ADCK1: variants seen among roughly 807,000 people sequenced by gnomAD.
ADCK1 encodes aarF domain-containing protein kinase 1.
ADCK1 carries 41 observed loss-of-function variants against 52.3 expected under a neutral mutation model. The observed-to-expected ratio is 0.78, with a 90% CI of 0.61 to 1.02. The LOEUF is 1.02. Ranked by LOEUF, ADCK1 falls within the 50% of genes least tolerant of loss-of-function variation. The pLI, the probability that ADCK1 is intolerant of heterozygous loss-of-function variation, is 0.00. For synonymous variants in ADCK1, 250 were observed against 274.6 expected, an observed-to-expected ratio of 0.91 and a Z score of 0.89; for missense variants, 658 against 679.5, an observed-to-expected ratio of 0.97 and a Z score of 0.35.
rs1031468865 is a variant in ADCK1, at chr14:77,923,965, C to T, written c.859-492C>T. 1 of 155,884 alleles carries T rather than the reference C, an allele frequency of 6.4e-6. No individual in the cohort carries two copies. The highest frequency in any genetic ancestry group is 6.3e-5 in the Admixed American group (1 of 15,786). The allele number at this position is 155,884 out of a possible 1,614,324, so 9.7% of individuals were successfully genotyped here. On this transcript the variant is annotated intron_variant, in intron 7 of 10. Transcript: ENST00000238561. This position sits in a 1 kb window ranked among gnomAD's most constrained non-coding sequence, Gnocchi z 4.3. Reference sequence around the variant, plus strand: ...TAGCACAGGCCTGGAGCAGGTGGGGCAGCCCCAGAGGAGGCGGTGGGGTCA... The same window carrying T: ...TAGCACAGGCCTGGAGCAGGTGGGGTAGCCCCAGAGGAGGCGGTGGGGTCA...
At chr14:77,824,691 C>T (rs2081656322) in intron 3 of ADCK1, among the ~76,000 whole-genome samples, 2 of 151,442 alleles carry the variant, frequency 1.3e-5, no homozygotes, top group South Asian at 2.1e-4. Flanking sequence ...ACCTTGGCCT[C>T]CCAAAGTGCT....
intron 4 of ADCK1, among the ~76,000 whole-genome samples, chr14:77,871,325 A>G (rs2082772093): frequency 1.3e-5 from 2 of 152,022 alleles, no homozygotes; most frequent in African/African-American, 4.8e-5. Context: ...CCAAGGGCCA[A>G]GGTAGGATAT....
chr14:77,920,226 T>C (rs2084018452), intron 7 of ADCK1, among the ~76,000 whole-genome samples: 1 of 152,278 alleles, frequency 6.6e-6, no homozygotes. Context: ...AGATTTTTTA[T>C]GGTTTCAGGT....
rs2083481475 is a variant in ADCK1, at chr14:77,899,390, G to GATTT, written c.741+133_741+134insTTTA. On this transcript the variant is annotated intron_variant, in intron 6 of 10. Transcript: ENST00000238561. ...CTTCCTGAGTCCTCTTACTGAGGAT[G>GATTT]AATGACATCACTGGTGATGTGCATT... The GATTT allele has an allele frequency of 1.1e-5, 13 of 1,213,602 alleles. No individual in the cohort carries two copies. In the South Asian group the frequency reaches 1.9e-4, roughly 18 times the overall value. 75.2% of individuals were successfully genotyped at this position (1,213,602 alleles called of 1,614,324 possible). A position where few individuals can be genotyped will look rare whatever the true frequency, so the allele number is the denominator to read the frequency against.
At chr14:77,924,848 A>T (rs2140294660) in intron 8 of ADCK1, among the ~76,000 whole-genome samples, 1 of 152,362 alleles carries the variant, frequency 6.6e-6, no homozygotes, top group Non-Finnish European at 1.5e-5. Context: ...AGTAGATGGA[A>T]ATAGGCTTGT....
At chr14:77,885,283 C>T (rs1418088445) in intron 4 of ADCK1, among the ~76,000 whole-genome samples, 7 of 152,218 alleles carry the variant, frequency 4.6e-5, no homozygotes, top group South Asian at 2.1e-4. Flanking sequence ...CTAGAATTCA[C>T]GAAGGAGGAG....
intron 1 of ADCK1, among the ~76,000 whole-genome samples, chr14:77,816,814 G>A (rs971683572): frequency 4.5e-4 from 67 of 148,824 alleles, no homozygotes; most frequent in Admixed American, 2.7e-4. Flanking sequence ...GGAAGTGGGG[G>A]ATGCAGTCTT....
chr14:77,917,193 T>G (rs1342257760), intron 7 of ADCK1, among the ~76,000 whole-genome samples: 3 of 151,968 alleles, frequency 2.0e-5, no homozygotes, highest in Non-Finnish European at 2.9e-5. Flanking sequence ...CCACTGCACT[T>G]GAGCCTGGGC....
intron 4 of ADCK1, 65 bp downstream of exon 4, chr14:77,859,344 T>C: frequency 6.7e-7 from 1 of 1,499,892 alleles, no homozygotes; most frequent in Non-Finnish European, 9.0e-7. Flanking sequence ...CCGGCTGAAT[T>C]CTTGCAGCCT....
At chr14:77,802,763 A>G (rs1319681370) in intron 1 of ADCK1, among the ~76,000 whole-genome samples, 1 of 152,120 alleles carries the variant, frequency 6.6e-6, no homozygotes, top group Non-Finnish European at 1.5e-5. Flanking sequence ...ATCCTGGCTA[A>G]CATGGTGAAA....
At chr14:77,830,247 A>G (rs566327861) in intron 3 of ADCK1, among the ~76,000 whole-genome samples, 2 of 151,022 alleles carry the variant, frequency 1.3e-5, no homozygotes, top group East Asian at 2.0e-4. Context: ...TCTGCTTCGC[A>G]GGTTCAAGCG....
intron 3 of ADCK1, among the ~76,000 whole-genome samples, chr14:77,826,881 A>G (rs1468855228): frequency 6.6e-6 from 1 of 152,116 alleles, no homozygotes; most frequent in East Asian, 1.9e-4. Flanking sequence ...AGGTTGATTC[A>G]GGAAACCTGA....
intron 7 of ADCK1, among the ~76,000 whole-genome samples, chr14:77,908,591 T>C (rs1050485781): frequency 3.9e-5 from 6 of 152,210 alleles, no homozygotes; most frequent in African/African-American, 1.4e-4. Context: ...AGTGGCACAA[T>C]CATAGTTCAC....
chr14:77,866,535 C>A (rs756096615), intron 4 of ADCK1, among the ~76,000 whole-genome samples: 5 of 152,166 alleles, frequency 3.3e-5, no homozygotes, highest in Non-Finnish European at 7.3e-5. Context: ...GGGTTAATTG[C>A]TGCAGTTTCC....
chr14:77,814,910 A>G (rs2081412398), intron 1 of ADCK1, among the ~76,000 whole-genome samples: 2 of 148,482 alleles, frequency 1.3e-5, no homozygotes, highest in Non-Finnish European at 3.0e-5. Context: ...TTTTTTTTTG[A>G]GAAGGAGTCT....
chr14:77,914,888 T>C (rs2083881507), intron 7 of ADCK1, among the ~76,000 whole-genome samples: 1 of 152,194 alleles, frequency 6.6e-6, no homozygotes, highest in Non-Finnish European at 1.5e-5. Context: ...TTTCTGAGTA[T>C]AAAGACTTGG....
At chr14:77,817,485 A>G (rs566129560) in intron 1 of ADCK1, among the ~76,000 whole-genome samples, 2 of 152,296 alleles carry the variant, frequency 1.3e-5, no homozygotes, top group African/African-American at 2.4e-5. Flanking sequence ...TTGCTCAGGA[A>G]TTGAAGGGGA....
In ADCK1 at chr14:77,934,451, T is replaced by C. The variant is rs2084409574; in HGVS notation, c.*1060T>C. The C allele has an allele frequency of 6.6e-6, 1 of 152,078 alleles. No individual in the cohort carries two copies. Among genetic ancestry groups the C allele is most frequent in the Non-Finnish European group, 1.5e-5 (1 of 68,042 alleles). The allele number at this position is 152,078 out of a possible 1,614,324, so 9.4% of individuals were successfully genotyped here. A position where few individuals can be genotyped will look rare whatever the true frequency, so the allele number is the denominator to read the frequency against. The stretch of plus-strand genomic sequence containing the variant: ...TTTGGTTCTCATTCAGTGGCCCCAG[T>C]TTTAGGCCTGGAATTCTACTTGTCT... On this transcript the variant is annotated 3_prime_UTR_variant, in exon 11 of 11. Coordinates refer to ENST00000238561, the MANE Select transcript of ADCK1 (RefSeq NM_020421.4).
intron 6 of ADCK1, 85 bp downstream of exon 6, chr14:77,899,343 C>G: frequency 6.5e-7 from 1 of 1,533,820 alleles, no homozygotes; most frequent in Non-Finnish European, 8.9e-7. Flanking sequence ...GCATCCCTTT[C>G]AGGACATAAT....
Sources: allele counts gnomAD v4.1 joint callset (sites outside exome capture counted in the v4.1 genomes callset), GRCh38; gene constraint gnomAD v4.1.1; non-coding constraint Gnocchi (gnomAD v3.1); transcripts MANE v1.5; gene names NCBI Gene and HGNC (gene_info 2026-07-23, HGNC 2026-07-21).